The following MCOLN2 variants were observed in gnomAD, a reference collection of about 807,000 sequenced individuals.
MCOLN2 encodes the protein mucolipin TRP cation channel 2.
A neutral mutation model predicts 67.5 loss-of-function variants in MCOLN2; 57 were observed. That is an observed-to-expected ratio of 0.84 (90% CI 0.68 to 1.05). The LOEUF (loss-of-function observed/expected upper bound fraction) is 1.05, where lower values mean the gene tolerates loss of function less well. Ranked by LOEUF, MCOLN2 falls within the 50% of genes least tolerant of loss-of-function variation. The pLI, the probability that MCOLN2 is intolerant of heterozygous loss-of-function variation, is 0.00. For synonymous variants in MCOLN2, 246 were observed against 233.3 expected (o/e 1.05, Z -0.50); for missense variants, 620 against 678.8 (o/e 0.91, Z 0.96).
At chr1:84,994,230 G>T (rs1312223495) in intron 1 of MCOLN2, among the ~76,000 whole-genome samples, 1 of 152,142 alleles carries the variant, frequency 6.6e-6, no homozygotes, top group Non-Finnish European at 1.5e-5. Context: ...TAATTCTTAA[G>T]TGCCCTAGGA....
intron 2 of MCOLN2, among the ~76,000 whole-genome samples, chr1:84,961,385 T>C (rs776293056): frequency 2.6e-5 from 4 of 152,232 alleles, no homozygotes; most frequent in Non-Finnish European, 5.9e-5. Context: ...AAGTGGTATA[T>C]AGTTTGCTGA....
Position 84,941,005 on chromosome 1 carries a change from C to G in MCOLN2, c.848-14G>C. 6.4e-7 allele frequency: 1 copy of G among 1,562,242 alleles called. No homozygotes were observed. The stretch of plus-strand genomic sequence containing the variant: ...CATTTTTCTGAGCTGAGGAATAAAA[C>G]AGAATTCAAATGTTAAACACACCTT... On this transcript the variant is annotated splice_polypyrimidine_tract_variant and intron_variant, in intron 7 of 13. Coordinates refer to ENST00000370608, the MANE Select transcript of MCOLN2 (RefSeq NM_153259.4).
At chr1:84,988,271 T>C (rs972784630) in intron 1 of MCOLN2, among the ~76,000 whole-genome samples, 1 of 152,030 alleles carries the variant, frequency 6.6e-6, no homozygotes, top group African/African-American at 2.4e-5. Context: ...AGGCTGGTCT[T>C]GAACTCTTGG....
In MCOLN2 at chr1:84,933,976, G is replaced by A. The variant is rs373499563; in HGVS notation, c.1336-2408C>T. Among the ~76,000 whole-genome samples, 14 of 152,348 alleles carry A rather than the reference G, an allele frequency of 9.2e-5. 1 individual carries two copies. The East Asian group carries it at 1.7e-3, about 19-fold the overall frequency. ...CTGCCATTTTGTACAAGAAGTGGCT[G>A]TGAACCAGAGTCTATTTCAGTGGCC... On this transcript the variant is annotated intron_variant, in intron 11 of 13. Coordinates refer to ENST00000370608, the MANE Select transcript of MCOLN2 (RefSeq NM_153259.4).
At chr1:84,943,844 C>A (rs1267460373) in intron 7 of MCOLN2, among the ~76,000 whole-genome samples, 1 of 152,208 alleles carries the variant, frequency 6.6e-6, no homozygotes, top group Non-Finnish European at 1.5e-5. Flanking sequence ...TGCCCAGTGC[C>A]TAGCACTTAC....
chr1:84,943,796 C>T (rs1647928884), intron 7 of MCOLN2, among the ~76,000 whole-genome samples: 1 of 152,218 alleles, frequency 6.6e-6, no homozygotes, highest in Admixed American at 6.5e-5. Flanking sequence ...CCATGAGAAT[C>T]AGGTGGAACA....
Position 84,947,248 on chromosome 1 carries a change from C to A in MCOLN2, c.748-116G>T, listed in dbSNP as rs1648164016. The A allele has an allele frequency of 2.0e-5, 13 of 639,038 alleles. No individual in the cohort carries two copies. The South Asian group carries it at 2.4e-4, about 12-fold the overall frequency. 39.6% of individuals were successfully genotyped at this position (639,038 alleles called of 1,614,324 possible). A position where few individuals can be genotyped will look rare whatever the true frequency, so the allele number is the denominator to read the frequency against. On this transcript the variant is annotated intron_variant, in intron 6 of 13. Transcript: ENST00000370608. ...CAGTGTGCTGATCCAAAGAGAATTACACAGGCCAGCAAAATGGCTGACTAG... is the reference window on the plus strand; with the variant it reads ...CAGTGTGCTGATCCAAAGAGAATTAAACAGGCCAGCAAAATGGCTGACTAG...
At chr1:84,945,313 C>T (rs955768693) in intron 7 of MCOLN2, among the ~76,000 whole-genome samples, 2 of 152,176 alleles carry the variant, frequency 1.3e-5, no homozygotes, top group Admixed American at 1.3e-4. Flanking sequence ...AGGTTAGTTT[C>T]TTTTCACAGA....
intron 6 of MCOLN2, among the ~76,000 whole-genome samples, chr1:84,951,634 C>G (rs1648475097): frequency 6.6e-6 from 1 of 152,228 alleles, no homozygotes. Flanking sequence ...AAAACACCTT[C>G]ATAAACATTT....
intron 11 of MCOLN2, among the ~76,000 whole-genome samples, chr1:84,936,787 A>G (rs1229391739): frequency 6.6e-6 from 1 of 152,250 alleles, no homozygotes; most frequent in Non-Finnish European, 1.5e-5. Flanking sequence ...ACCAGATTTG[A>G]TCACAGATTT....
intron 1 of MCOLN2, among the ~76,000 whole-genome samples, chr1:84,989,575 A>G (rs1020255486): frequency 6.6e-6 from 1 of 152,142 alleles, no homozygotes; most frequent in African/African-American, 2.4e-5. Context: ...ATTTAGACAT[A>G]TTTTTAAAAC....
chr1:84,954,966 A>G (rs1351826461), intron 4 of MCOLN2, among the ~76,000 whole-genome samples: 1 of 152,172 alleles, frequency 6.6e-6, no homozygotes, highest in Non-Finnish European at 1.5e-5. Context: ...TGTGTCCCCA[A>G]CCAAATCTCA....
At chr1:84,939,466 T>C (rs762729174) in intron 9 of MCOLN2, 87 bp downstream of exon 9, 9 of 1,285,918 alleles carry the variant, frequency 7.0e-6, no homozygotes, top group Non-Finnish European at 9.9e-6. Context: ...AGAATCAAAG[T>C]GGTCTCCAAA....
At chr1:84,958,380 C>T in intron 3 of MCOLN2, 149 bp downstream of exon 3, 1 of 557,702 alleles carries the variant, frequency 1.8e-6, no homozygotes, top group South Asian at 3.2e-5. Context: ...AGAAATGTAG[C>T]TTCAGAAATA....
At chr1:84,938,778 T>C (rs913919034) in intron 9 of MCOLN2, among the ~76,000 whole-genome samples, 4 of 152,170 alleles carry the variant, frequency 2.6e-5, no homozygotes, top group Non-Finnish European at 5.9e-5. Context: ...TGGATGATGA[T>C]GACCCCAGGG....
At chr1:84,935,463 C>T (rs1389098261) in intron 11 of MCOLN2, among the ~76,000 whole-genome samples, 1 of 152,072 alleles carries the variant, frequency 6.6e-6, no homozygotes, top group African/African-American at 2.4e-5. Flanking sequence ...TGGTAGTCAC[C>T]AGGAATGTGT....
intron 12 of MCOLN2, chr1:84,929,907 G>A (rs1661324190): frequency 9.5e-6 from 3 of 316,454 alleles, no homozygotes; most frequent in Non-Finnish European, 1.7e-5. Context: ...AAAGAAAGCA[G>A]AGAAGAGCCA....
At chr1:84,962,812 T>C (rs917824811) in intron 2 of MCOLN2, among the ~76,000 whole-genome samples, 2 of 152,236 alleles carry the variant, frequency 1.3e-5, no homozygotes, top group Non-Finnish European at 2.9e-5. Flanking sequence ...CTGGAACTCT[T>C]TGAATTCCTG....
At chr1:84,966,083 T>C (rs1325839038) in intron 1 of MCOLN2, among the ~76,000 whole-genome samples, 2 of 151,822 alleles carry the variant, frequency 1.3e-5, no homozygotes, top group African/African-American at 4.8e-5. Flanking sequence ...TGAAACCCCA[T>C]CTCTACTAAA....
Sources: allele counts gnomAD v4.1 joint callset (sites outside exome capture counted in the v4.1 genomes callset), GRCh38; gene constraint gnomAD v4.1.1; transcripts MANE v1.5; gene names NCBI Gene and HGNC (gene_info 2026-07-23, HGNC 2026-07-21).